The following SEPTIN11 variants were observed in gnomAD, a reference collection of about 807,000 sequenced individuals.
SEPTIN11 encodes the protein septin-11.
Under a neutral mutation model 51.4 loss-of-function variants are expected in SEPTIN11, and 25 were observed. That is an observed-to-expected ratio of 0.49 (90% CI 0.35 to 0.68). SEPTIN11 has a LOEUF of 0.68. SEPTIN11 is among the 30% of genes least tolerant of loss of function. The probability of loss-of-function intolerance (pLI) is 0.00; values close to 1 mark genes in which losing one functional copy is unlikely to be tolerated. For synonymous variants in SEPTIN11, 174 were observed against 184.1 expected (o/e 0.95, Z 0.44); for missense variants, 381 against 520.8 (o/e 0.73, Z 2.61).
chr4:77,014,299 GAAGA>G (rs1725066870), intron 4 of SEPTIN11, among the ~76,000 whole-genome samples: 1 of 152,162 alleles, frequency 6.6e-6, no homozygotes, highest in Non-Finnish European at 1.5e-5. Context: ...CAGGTCATCA[GAAGA>G]AAGAAAGGAT....
intron 1 of SEPTIN11, among the ~76,000 whole-genome samples, chr4:76,988,641 G>A (rs1387059635): frequency 6.6e-6 from 1 of 152,174 alleles, no homozygotes; most frequent in African/African-American, 2.4e-5. Flanking sequence ...CTCCCAAGTA[G>A]CTGGGATTAT....
intron 1 of SEPTIN11, among the ~76,000 whole-genome samples, chr4:76,969,439 G>A (rs1022511973): frequency 2.6e-5 from 4 of 152,002 alleles, no homozygotes; most frequent in Admixed American, 2.6e-4. Context: ...GATTACAAAA[G>A]GTACAAAATA....
chr4:77,019,342 TTAGG>T, intron 6 of SEPTIN11, 81 bp downstream of exon 6: 1 of 1,246,068 alleles, frequency 8.0e-7, no homozygotes, highest in Non-Finnish European at 1.1e-6. Context: ...TCCGTCTTGT[TTAGG>T]GAGGCCCTCA....
downstream of SEPTIN11, chr4:77,038,757 G>A: frequency 1.6e-6 from 1 of 614,846 alleles, no homozygotes; most frequent in Non-Finnish European, 2.2e-6. Flanking sequence ...TGCCGTCTGG[G>A]TTACACCAGT....
At chr4:76,999,548 A>C (rs1238268796) in intron 2 of SEPTIN11, among the ~76,000 whole-genome samples, 1 of 151,234 alleles carries the variant, frequency 6.6e-6, no homozygotes, top group African/African-American at 2.5e-5. Flanking sequence ...AATTAAGGAT[A>C]AAAAAAATAA....
chr4:77,033,510 T>C (rs1357884284), intron 9 of SEPTIN11, among the ~76,000 whole-genome samples: 3 of 152,106 alleles, frequency 2.0e-5, no homozygotes, highest in Non-Finnish European at 4.4e-5. Flanking sequence ...GGCATGAGAG[T>C]GTATAACATT....
rs193125590 is a variant in SEPTIN11, at chr4:76,964,394, C to T, written c.27+14464C>T. 5.9e-5 allele frequency among the ~76,000 whole-genome samples: 9 copies of T among 151,452 alleles called. No homozygotes were observed. The East Asian group carries it at 1.8e-3, about 30-fold the overall frequency. On this transcript the variant is annotated intron_variant, in intron 1 of 9. Coordinates refer to ENST00000264893, the MANE Select transcript of SEPTIN11 (RefSeq NM_018243.4). ...CCATTCTCTTTAGCCTCCTCGCTCC[C>T]TTCTCTAACCTCTTCCCTCACCTCT...
At chr4:76,954,309 A>G (rs1400456247) in intron 1 of SEPTIN11, among the ~76,000 whole-genome samples, 2 of 152,196 alleles carry the variant, frequency 1.3e-5, no homozygotes, top group African/African-American at 4.8e-5. Context: ...CTTGGATTTT[A>G]TCATTTTATT....
chr4:77,004,983 A>G (rs940804996), intron 2 of SEPTIN11, among the ~76,000 whole-genome samples: 1 of 152,128 alleles, frequency 6.6e-6, no homozygotes, highest in Admixed American at 6.5e-5. Context: ...AAATAAATAC[A>G]TATATACATA....
At chr4:77,002,673 GTTAA>G (rs1205464076) in intron 2 of SEPTIN11, among the ~76,000 whole-genome samples, 1 of 152,018 alleles carries the variant, frequency 6.6e-6, no homozygotes, top group Non-Finnish European at 1.5e-5. Flanking sequence ...TTTGCTCAAA[GTTAA>G]TTTGTTAAGC....
chr4:76,983,577 A>G (rs1485732374), intron 1 of SEPTIN11, among the ~76,000 whole-genome samples: 1 of 152,224 alleles, frequency 6.6e-6, no homozygotes, highest in Non-Finnish European at 1.5e-5. Context: ...CTGCTAATAA[A>G]TGGATGTTGT....
chr4:76,970,598 T>C (rs898516877), intron 1 of SEPTIN11, among the ~76,000 whole-genome samples: 2 of 152,232 alleles, frequency 1.3e-5, no homozygotes, highest in African/African-American at 2.4e-5. Flanking sequence ...AGACATGCAA[T>C]GAATTGGCTT....
At chr4:77,031,648 C>A (rs1172421012) in intron 9 of SEPTIN11, 1 of 152,180 alleles carries the variant, frequency 6.6e-6, no homozygotes, top group Non-Finnish European at 1.5e-5. Flanking sequence ...CTGCCTGAAA[C>A]CAGTGGGAGA....
chr4:77,031,021 C>G, intron 9 of SEPTIN11, 51 bp downstream of exon 9: 2 of 1,493,642 alleles, frequency 1.3e-6, no homozygotes, highest in Non-Finnish European at 1.8e-6. Context: ...ATTTATTCCT[C>G]TTGCATGTCT....
At chr4:77,002,415 G>A (rs1200385436) in intron 2 of SEPTIN11, among the ~76,000 whole-genome samples, 1 of 152,202 alleles carries the variant, frequency 6.6e-6, no homozygotes, top group Non-Finnish European at 1.5e-5. Context: ...TATTCTTAGG[G>A]AAGAAGATGA....
At chr4:76,989,419 A>G (rs1425215298) in intron 1 of SEPTIN11, among the ~76,000 whole-genome samples, 4 of 152,272 alleles carry the variant, frequency 2.6e-5, no homozygotes, top group South Asian at 2.1e-4. Context: ...AAACAATTCA[A>G]ATATCACCTT....
At chr4:76,960,602 G>T (rs1721788722) in intron 1 of SEPTIN11, among the ~76,000 whole-genome samples, 3 of 152,192 alleles carry the variant, frequency 2.0e-5, no homozygotes, top group Admixed American at 2.0e-4. Flanking sequence ...GACTCTCATT[G>T]ACTTTATGTA....
rs938487422 is a variant in SEPTIN11, at chr4:77,015,426, A to G, written c.687+409A>G. Among the ~76,000 whole-genome samples, 10 of 152,278 alleles carry G rather than the reference A, an allele frequency of 6.6e-5. No individual in the cohort carries two copies. The East Asian group carries it at 1.7e-3, about 26-fold the overall frequency. On this transcript the variant is annotated intron_variant, in intron 5 of 9. Transcript: ENST00000264893. ...CCCTTCCCTCCTTTCTATTTTCCCT[A>G]TACTTTTCTAATCATTAGGTAAACT...
At chr4:77,028,787 G>A in intron 8 of SEPTIN11, 26 bp downstream of exon 8, 1 of 1,590,444 alleles carries the variant, frequency 6.3e-7, no homozygotes. Flanking sequence ...TGCTTCAAGG[G>A]AAAGATTTGT....
Sources: gnomAD v4.1 joint callset for allele counts (sites outside exome capture counted in the v4.1 genomes callset) on GRCh38, gnomAD v4.1.1 for gene constraint, MANE v1.5 for transcripts, NCBI Gene and HGNC (gene_info 2026-07-23, HGNC 2026-07-21) for gene names.